The following DNAH7 variants were observed in gnomAD, a reference collection of about 807,000 sequenced individuals.
DNAH7 encodes the protein dynein axonemal heavy chain 7, also known as axonemal beta dynein heavy chain 7.
In DNAH7, 397 loss-of-function variants were observed where a neutral mutation model predicts 444.6. That is an observed-to-expected ratio of 0.89 (90% confidence interval 0.82 to 0.97). The LOEUF is 0.97. Ranked by LOEUF, DNAH7 falls within the 50% of genes least tolerant of loss-of-function variation. DNAH7 has a pLI of 0.00. For missense variants in DNAH7, 4,902 were observed against 4,800.8 expected (o/e 1.02, Z -0.62); for synonymous variants, 1,636 against 1,624.4 (o/e 1.01, Z -0.17).
intron 21 of DNAH7, among the ~76,000 whole-genome samples, chr2:195,930,723 C>T (rs1559236829): frequency 1.3e-5 from 2 of 152,150 alleles, no homozygotes; most frequent in South Asian, 4.1e-4. Flanking sequence ...GACACATATA[C>T]TCATATGTTC....
chr2:195,936,151 A>G (rs1301542038), intron 20 of DNAH7, among the ~76,000 whole-genome samples: 1 of 152,204 alleles, frequency 6.6e-6, no homozygotes, highest in Non-Finnish European at 1.5e-5. Context: ...AGGCAGGTGG[A>G]TCACTTGAGA....
chr2:195,809,975 T>C (rs962660443), intron 51 of DNAH7, 104 bp from the exon 52 acceptor site: 1 of 911,400 alleles, frequency 1.1e-6, no homozygotes, highest in African/African-American at 1.7e-5. Context: ...TTCTGGTCAA[T>C]TACCCCCCAA....
At chr2:195,877,347 T>C (rs1323676158) in intron 36 of DNAH7, among the ~76,000 whole-genome samples, 1 of 152,228 alleles carries the variant, frequency 6.6e-6, no homozygotes, top group Admixed American at 6.5e-5. Context: ...AATCACATAT[T>C]TTCTTAATGA....
chr2:195,756,123 A>C lies in DNAH7; in HGVS notation c.11586+10T>G. The C allele has an allele frequency of 6.3e-7, 1 of 1,591,616 alleles. No individual in the cohort carries two copies. The highest frequency in any genetic ancestry group is 8.6e-7 in the Non-Finnish European group (1 of 1,167,214). ...AACTTAACAATATACGATCATTTAG[A>C]CGAACTTACCTGCAAGAATTTTAGT... On this transcript the variant is annotated intron_variant, in intron 62 of 64. Transcript: ENST00000312428.
chr2:195,943,379 A>G (rs942738742), intron 19 of DNAH7, among the ~76,000 whole-genome samples: 8 of 152,168 alleles, frequency 5.3e-5, no homozygotes, highest in Non-Finnish European at 8.8e-5. Flanking sequence ...GTTCCTTAGC[A>G]TATGCAATGT....
chr2:195,871,172 T>A (rs1700663753), intron 40 of DNAH7, among the ~76,000 whole-genome samples: 1 of 152,198 alleles, frequency 6.6e-6, no homozygotes, highest in Admixed American at 6.5e-5. Context: ...TGTGTGATGA[T>A]TTAGGAATTC....
chr2:195,785,530 T>C (rs1574429839), intron 58 of DNAH7, among the ~76,000 whole-genome samples: 2 of 151,950 alleles, frequency 1.3e-5, no homozygotes, highest in South Asian at 2.1e-4. Context: ...GTAGGTTTTT[T>C]GTATGTTTGT....
chr2:196,040,406 G>T (rs1017520175), intron 5 of DNAH7, among the ~76,000 whole-genome samples: 1 of 152,122 alleles, frequency 6.6e-6, no homozygotes, highest in Non-Finnish European at 1.5e-5. Context: ...TTCTAGGAAT[G>T]CAAGGATGGT....
At chr2:195,970,116 T>C in intron 16 of DNAH7, 22 bp from the exon 17 acceptor site, 1 of 1,578,572 alleles carries the variant, frequency 6.3e-7, no homozygotes. Context: ...AATTTGTTGT[T>C]AATATTCTTA....
chr2:195,743,325 T>A (rs555422096), intron 63 of DNAH7, among the ~76,000 whole-genome samples: 1 of 152,348 alleles, frequency 6.6e-6, no homozygotes, highest in South Asian at 2.1e-4. Flanking sequence ...TGTGATTGTG[T>A]GAGTCAATTC....
chr2:195,861,065 C>T (rs1176789812), intron 42 of DNAH7, among the ~76,000 whole-genome samples: 1 of 151,960 alleles, frequency 6.6e-6, no homozygotes, highest in Non-Finnish European at 1.5e-5. Flanking sequence ...TTTATTTAAA[C>T]AAGCTTTTGA....
chr2:195,775,829 C>T lies in DNAH7; in HGVS notation c.11202+17G>A, dbSNP rs1240639701. 1.2e-6 allele frequency: 2 copies of T among 1,612,768 alleles called. No homozygotes were observed. Among genetic ancestry groups the T allele is most frequent in the South Asian group, 2.2e-5 (2 of 90,814 alleles). ...CTTCCCAGGCCTCAGAATCCAGGTC[C>T]TATACAGATCACACACCTGTGTAAG... On this transcript the variant is annotated intron_variant, in intron 60 of 64. Transcript: ENST00000312428.
intron 35 of DNAH7, among the ~76,000 whole-genome samples, chr2:195,882,881 C>T (rs1032431969): frequency 6.6e-6 from 1 of 152,172 alleles, no homozygotes; most frequent in African/African-American, 2.4e-5. Context: ...CATGGCACTC[C>T]TTGGGCCAGA....
intron 41 of DNAH7, among the ~76,000 whole-genome samples, chr2:195,863,474 C>T (rs1700139084): frequency 6.6e-6 from 1 of 152,072 alleles, no homozygotes; most frequent in Non-Finnish European, 1.5e-5. Flanking sequence ...CTCGTTCCTA[C>T]CCCCCATCCA....
intron 36 of DNAH7, among the ~76,000 whole-genome samples, chr2:195,880,244 A>G (rs1701294253): frequency 6.6e-6 from 1 of 152,164 alleles, no homozygotes; most frequent in Non-Finnish European, 1.5e-5. Context: ...CAGGAATCTT[A>G]GGATATTTTC....
chr2:195,864,060 A>T, intron 41 of DNAH7, 89 bp downstream of exon 41: 4 of 1,333,646 alleles, frequency 3.0e-6, no homozygotes, highest in Non-Finnish European at 4.1e-6. Context: ...TTTGGGGTAA[A>T]CTACAGGTTG....
Position 195,875,832 on chromosome 2 carries a change from T to C in DNAH7, c.6129A>G (p.Val2043=). ...CCCGAGCAGGCATATTGACATCATC[T>C]ACAAAGACAACCTGAGAATGAGAAG... ...PPLGKRMVVF[V]DDVNMPAREV... Residue 2043 remains valine, a synonymous_variant, in exon 38 of 65, where the codon GTA becomes GTG. Transcript: ENST00000312428. 1 of 1,602,118 alleles carries C rather than the reference T, an allele frequency of 6.2e-7. No individual in the cohort carries two copies. The highest frequency in any genetic ancestry group is 2.2e-5 in the East Asian group (1 of 44,804).
In DNAH7 at chr2:195,891,584, A is replaced by G. The variant is rs763807633; in HGVS notation, c.5046+71T>C. 215 of 1,367,740 alleles carry G rather than the reference A, an allele frequency of 1.6e-4. 2 individuals are homozygous for G. The highest frequency in any genetic ancestry group is 1.9e-4 in the Non-Finnish European group (202 of 1,037,454). The allele number at this position is 1,367,740 out of a possible 1,614,324, so 84.7% of individuals were successfully genotyped here. ...AGATACAATTAGTTTGTTTGAAAAA[A>G]AAATCAGAAATTGGTCAGAAATAAA... is the stretch of plus-strand genomic sequence containing the variant. On this transcript the variant is annotated intron_variant, in intron 31 of 64. Transcript: ENST00000312428.
intron 5 of DNAH7, among the ~76,000 whole-genome samples, chr2:196,035,495 G>C (rs1696327783): frequency 6.6e-6 from 1 of 152,106 alleles, no homozygotes; most frequent in Non-Finnish European, 1.5e-5. Flanking sequence ...CATGTTTACT[G>C]CCAAACAGCT....
Sources: allele counts gnomAD v4.1 joint callset (sites outside exome capture counted in the v4.1 genomes callset), GRCh38; gene constraint gnomAD v4.1.1; transcripts MANE v1.5; gene names NCBI Gene and HGNC (gene_info 2026-07-23, HGNC 2026-07-21).